PRICKLE2: variants seen among roughly 807,000 people sequenced by gnomAD.
The protein encoded by PRICKLE2 is prickle-like protein 2.
In PRICKLE2, 21 loss-of-function variants were observed where a neutral mutation model predicts 81.4. That is an observed-to-expected ratio of 0.26 (90% CI 0.18 to 0.37). PRICKLE2 has a LOEUF of 0.37. PRICKLE2 is among the 10% of genes least tolerant of loss of function. The pLI, the probability that PRICKLE2 is intolerant of heterozygous loss-of-function variation, is 1.00. For missense variants in PRICKLE2, 940 were observed against 1,109.0 expected (o/e 0.85, Z 2.16); for synonymous variants, 456 against 421.5 (o/e 1.08, Z -1.00).
rs1224496739 is a variant in PRICKLE2 at position 64,146,998 on chromosome 3, T to G, written c.1492A>C (p.Ile498Leu). ...SQSFSETRGS[I>L]QVPKYEEEEE... ...TCCTCCTCATATTTGGGGACTTGGA[T>G]GCTGCCTCGGGTCTCACTGAAACTC... Residue 498 changes from isoleucine to leucine, a missense_variant, in exon 7 of 8, where the codon ATC becomes CTC. Physicochemically the swap from Ile to Leu is conservative, Grantham distance 5. This residue lies in a region of PRICKLE2 where 670 missense variants were observed against 717.2 expected (regional missense o/e 0.93). Transcript: ENST00000638394. 2 of 1,614,142 alleles carry G rather than the reference T, an allele frequency of 1.2e-6. No homozygotes were observed. Among genetic ancestry groups the G allele is most frequent in the Admixed American group, 1.7e-5 (1 of 60,022 alleles).
At chr3:64,135,740 G>A (rs1462152153) in intron 7 of PRICKLE2, among the ~76,000 whole-genome samples, 10 of 151,488 alleles carry the variant, frequency 6.6e-5, no homozygotes, top group South Asian at 6.3e-4. Flanking sequence ...ACACCTGCGT[G>A]CACACACACA....
intron 2 of PRICKLE2, among the ~76,000 whole-genome samples, chr3:64,172,603 CAAAG>C (rs1043621584): frequency 8.5e-5 from 13 of 152,176 alleles, no homozygotes; most frequent in Admixed American, 8.5e-4. Context: ...GTGTAACTAA[CAAAG>C]AGAGAGGCAC....
intron 7 of PRICKLE2, among the ~76,000 whole-genome samples, chr3:64,113,233 C>A (rs189378648): frequency 6.6e-6 from 1 of 152,286 alleles, no homozygotes; most frequent in East Asian, 1.9e-4. Flanking sequence ...CAGTGCAGCA[C>A]GGGCAGGGGT....
intron 4 of PRICKLE2, among the ~76,000 whole-genome samples, chr3:64,159,691 C>G (rs2077698295): frequency 6.6e-6 from 1 of 152,162 alleles, no homozygotes; most frequent in Admixed American, 6.5e-5. Flanking sequence ...CTGCAGCCTC[C>G]CCACACTTCC....
chr3:64,262,996 A>T (rs1160298207), intron 2 of PRICKLE2, among the ~76,000 whole-genome samples: 1 of 152,206 alleles, frequency 6.6e-6, no homozygotes, highest in Non-Finnish European at 1.5e-5. Context: ...CCAGGGTCAC[A>T]TTAGCACAGA....
intron 2 of PRICKLE2, among the ~76,000 whole-genome samples, chr3:64,232,528 C>T (rs2079120218): frequency 6.6e-6 from 1 of 152,146 alleles, no homozygotes; most frequent in Non-Finnish European, 1.5e-5. Context: ...CCTGCTTTCC[C>T]TCCTACCCTC....
intron 2 of PRICKLE2, among the ~76,000 whole-genome samples, chr3:64,254,330 A>G (rs1038532752): frequency 6.6e-6 from 1 of 152,194 alleles, no homozygotes; most frequent in African/African-American, 2.4e-5. Flanking sequence ...CAACAACTCA[A>G]TACCAGAGCA....
At chr3:64,123,781 G>T (rs960672312) in intron 7 of PRICKLE2, among the ~76,000 whole-genome samples, 2 of 152,146 alleles carry the variant, frequency 1.3e-5, no homozygotes, top group South Asian at 4.1e-4. Flanking sequence ...AATGTTGTAT[G>T]TGTGTGTGTT....
chr3:64,147,307 T>C lies in PRICKLE2; in HGVS notation c.1183A>G (p.Arg395Gly). ...TPSLNRDPIWRSREEPYHYGN... is the reference protein window; with the variant it reads ...TPSLNRDPIWGSREEPYHYGN... ...TAATGGTAGGGCTCTTCCCGGCTCCTCCAGATGGGGTCCCGGTTGAGGCTG... is the reference window on the plus strand; with the variant it reads ...TAATGGTAGGGCTCTTCCCGGCTCCCCCAGATGGGGTCCCGGTTGAGGCTG... The change falls in exon 7 of 8, where the codon AGG (arginine) becomes GGG (glycine). Residue 395 changes from arginine to glycine, a missense_variant. Coordinates refer to ENST00000638394, the MANE Select transcript of PRICKLE2 (RefSeq NM_198859.4). This position sits in a 1 kb window ranked among gnomAD's most constrained non-coding sequence, Gnocchi z 5.0. 3 of 1,613,862 alleles carry C rather than the reference T, an allele frequency of 1.9e-6. No individual in the cohort carries two copies. The highest frequency in any genetic ancestry group is 2.5e-6 in the Non-Finnish European group (3 of 1,179,810).
intron 2 of PRICKLE2, among the ~76,000 whole-genome samples, chr3:64,240,930 C>T (rs977261995): frequency 2.6e-5 from 4 of 152,088 alleles, no homozygotes; most frequent in Non-Finnish European, 5.9e-5. Context: ...GCTAGAGGAG[C>T]CTCTGAGGGT....
chr3:64,198,757 C>T (rs763477194), intron 2 of PRICKLE2, 27 bp downstream of exon 2: 1 of 1,612,754 alleles, frequency 6.2e-7, no homozygotes, highest in Non-Finnish European at 8.5e-7. Flanking sequence ...ACCCAAACCA[C>T]CAGCATGCTC....
At chr3:64,109,305 C>A (rs1282699667) in intron 7 of PRICKLE2, among the ~76,000 whole-genome samples, 1 of 152,178 alleles carries the variant, frequency 6.6e-6, no homozygotes, top group Non-Finnish European at 1.5e-5. Context: ...CAGTGGCTAT[C>A]AAGAACTCCC....
chr3:64,118,241 C>T (rs1440379113), intron 7 of PRICKLE2, among the ~76,000 whole-genome samples: 1 of 152,092 alleles, frequency 6.6e-6, no homozygotes, highest in African/African-American at 2.4e-5. Flanking sequence ...ACTATAAAAA[C>T]CTTGAAGAAA....
chr3:64,121,506 G>A (rs1425022504), intron 7 of PRICKLE2, among the ~76,000 whole-genome samples: 7 of 150,154 alleles, frequency 4.7e-5, no homozygotes, highest in Non-Finnish European at 1.0e-4. Context: ...ATTGTAACTC[G>A]GCTGTGTTCA....
In PRICKLE2 at chr3:64,217,739, G is replaced by GA. The variant is rs147071763; in HGVS notation, c.-41+7170dup. Among the ~76,000 whole-genome samples the GA allele has an allele frequency of 7.7e-3, 1,178 of 152,200 alleles. 7 individuals carry two copies. The highest frequency in any genetic ancestry group is 0.027 in the African/African-American group (1,113 of 41,518). On this transcript the variant is annotated intron_variant, in intron 1 of 7. Transcript: ENST00000638394. The stretch of plus-strand genomic sequence containing the variant: ...TCTGGGGATGCATTGGGGCTGGACA[G>GA]AAAAAAACGTGTCGATTATTTGTGA...
intron 7 of PRICKLE2, among the ~76,000 whole-genome samples, chr3:64,112,985 C>G (rs541988631): frequency 6.6e-6 from 1 of 152,190 alleles, no homozygotes; most frequent in South Asian, 2.1e-4. Context: ...ATCTGGGAAC[C>G]CTGCATGGGC....
At chr3:64,228,493 C>T (rs978563863), upstream of PRICKLE2, among the ~76,000 whole-genome samples, 3 of 151,760 alleles carry the variant, frequency 2.0e-5, no homozygotes, top group East Asian at 1.9e-4. Context: ...TTGTTAATTC[C>T]CTGTGGTCAT....
At chr3:64,254,750 G>A (rs569195008) in intron 2 of PRICKLE2, among the ~76,000 whole-genome samples, 2 of 152,226 alleles carry the variant, frequency 1.3e-5, no homozygotes, top group South Asian at 2.1e-4. Flanking sequence ...ATGTTTTGTT[G>A]ACAAGGTTAT....
intron 7 of PRICKLE2, among the ~76,000 whole-genome samples, chr3:64,131,604 G>A (rs1209386884): frequency 6.6e-6 from 1 of 152,062 alleles, no homozygotes; most frequent in East Asian, 1.9e-4. Context: ...GGACACCTGG[G>A]GTAAAATTCA....
Sources: gnomAD v4.1 joint callset for allele counts (sites outside exome capture counted in the v4.1 genomes callset) on GRCh38, gnomAD v4.1.1 for gene constraint, gnomAD v4.1.1 regional missense constraint, Gnocchi (gnomAD v3.1) non-coding constraint, MANE v1.5 for transcripts, NCBI Gene and HGNC (gene_info 2026-07-23, HGNC 2026-07-21) for gene names.